The following KCTD18 variants were observed in gnomAD, a reference collection of about 807,000 sequenced individuals.
KCTD18 encodes potassium channel tetramerization domain containing 18, also known as BTB/POZ domain-containing protein KCTD18.
Under a neutral mutation model 30.4 loss-of-function variants are expected in KCTD18, and 22 were observed. That is an observed-to-expected ratio of 0.72 (90% confidence interval 0.52 to 1.03). The LOEUF (loss-of-function observed/expected upper bound fraction) is 1.03, where lower values mean the gene tolerates loss of function less well. Ranked by LOEUF, KCTD18 falls within the 50% of genes least tolerant of loss-of-function variation. The pLI, the probability that KCTD18 is intolerant of heterozygous loss-of-function variation, is 0.00. For synonymous variants in KCTD18, 186 were observed against 209.0 expected, an observed-to-expected ratio of 0.89 and a Z score of 0.95; for missense variants, 529 against 547.6, an observed-to-expected ratio of 0.97 and a Z score of 0.34.
At position 200,497,774 on chromosome 2, in the gene KCTD18, A is replaced by C; in HGVS notation, c.640T>G (p.Phe214Val). The C allele has an allele frequency of 1.2e-6, 2 of 1,610,840 alleles. No individual in the cohort carries two copies. Reference protein sequence around the residue: ...VAELKKMMDAFDAWEGKGVSY... With the variant: ...VAELKKMMDAVDAWEGKGVSY... ...GTACCTTTTCCTTCCCAAGCATCAA[A>C]GGCATCCATCATTTTCTTCAACTCT... Residue 214 changes from phenylalanine (F) to valine (V), a missense_variant, in exon 5 of 7, where the codon TTT (phenylalanine) becomes GTT (valine). Transcript: ENST00000359878.
chr2:200,504,458 C>CAAAAAA (rs761524442), intron 3 of KCTD18, among the ~76,000 whole-genome samples: 3 of 59,254 alleles, frequency 5.1e-5, no homozygotes, highest in African/African-American at 5.3e-5. Flanking sequence ...GACTCTGCCT[C>CAAAAAA]AAAAAAAAAA....
chr2:200,490,558 G>T lies in KCTD18; in HGVS notation c.823C>A (p.Pro275Thr). ...ESVNYKTGPKPVRFLGPSTST... is the reference protein window; with the variant it reads ...ESVNYKTGPKTVRFLGPSTST... Reference sequence around the variant, plus strand: ...GTGGAAGGGCCCAAAAATCTAACTGGCTTAGGACCAGTCTTATAGTTCACA... The same window carrying T: ...GTGGAAGGGCCCAAAAATCTAACTGTCTTAGGACCAGTCTTATAGTTCACA... The change falls in exon 7 of 7, where the codon CCA becomes ACA. Residue 275 changes from proline (P) to threonine (T), a missense_variant. Transcript: ENST00000359878. 4 of 1,601,544 alleles carry T rather than the reference G, an allele frequency of 2.5e-6. No individual in the cohort carries two copies. The highest frequency in any genetic ancestry group is 3.4e-6 in the Non-Finnish European group (4 of 1,179,944).
intron 3 of KCTD18, among the ~76,000 whole-genome samples, chr2:200,503,526 C>T (rs1366186629): frequency 1.3e-5 from 2 of 152,102 alleles, no homozygotes; most frequent in Non-Finnish European, 2.9e-5. Context: ...TGAATAAAAA[C>T]CAGGAATAAA....
intron 6 of KCTD18, among the ~76,000 whole-genome samples, chr2:200,492,742 C>T (rs2087937993): frequency 6.6e-6 from 1 of 152,084 alleles, no homozygotes; most frequent in African/African-American, 2.4e-5. Flanking sequence ...AGGAAAATAC[C>T]ATTTAATAAA....
In KCTD18 at chr2:200,490,366, C is replaced by G. The variant is rs745459410; in HGVS notation, c.1015G>C (p.Ala339Pro). The G allele has an allele frequency of 1.9e-6, 3 of 1,614,228 alleles. No individual in the cohort carries two copies. In the Admixed American group the frequency reaches 5.0e-5, roughly 27 times the overall value. Residue 339 changes from alanine to proline, a missense_variant, in exon 7 of 7, where the codon GCA (alanine) becomes CCA (proline). Ala to Pro is a conservative substitution (Grantham distance 27). Transcript: ENST00000359878. Reference protein sequence around the residue: ...SRATALVGTGAPGHPQASPGA... With the variant: ...SRATALVGTGPPGHPQASPGA... Reference sequence around the variant, plus strand: ...GGGGAAGCCTGAGGATGCCCAGGTGCCCCCGTGCCCACCAGGGCCGTGGCT... The same window carrying G: ...GGGGAAGCCTGAGGATGCCCAGGTGGCCCCGTGCCCACCAGGGCCGTGGCT...
chr2:200,508,350 A>G (rs987984401), intron 1 of KCTD18, among the ~76,000 whole-genome samples: 1 of 152,154 alleles, frequency 6.6e-6, no homozygotes, highest in African/African-American at 2.4e-5. Flanking sequence ...TCGGCCTCCC[A>G]AAGTGCTGAG....
rs188668776 is a variant in KCTD18, at chr2:200,490,541, G to A, written c.840C>T (p.Gly280=). ...KTGPKPVRFL[G]PSTSTQIKVK... is the part of the protein sequence containing the mutation. ...CTTTAATTTGGGTACTTGTGGAAGGGCCCAAAAATCTAACTGGCTTAGGAC... is the reference window on the plus strand; with the variant it reads ...CTTTAATTTGGGTACTTGTGGAAGGACCCAAAAATCTAACTGGCTTAGGAC... The change falls in exon 7 of 7, where the codon GGC becomes GGT. Residue 280 remains glycine (G), a synonymous_variant. Coordinates refer to ENST00000359878, the MANE Select transcript of KCTD18 (RefSeq NM_152387.4). The A allele has an allele frequency of 5.1e-5, 81 of 1,603,082 alleles. No homozygotes were observed. Among genetic ancestry groups the A allele is most frequent in the Middle Eastern group, 4.9e-4 (3 of 6,062 alleles).
chr2:200,498,467 G>A (rs1362300579), intron 4 of KCTD18, among the ~76,000 whole-genome samples: 3 of 152,228 alleles, frequency 2.0e-5, no homozygotes, highest in Admixed American at 6.5e-5. Context: ...ACCAGCAAGT[G>A]CTTCGTCATT....
chr2:200,509,035 A>G (rs1237833042), intron 1 of KCTD18, among the ~76,000 whole-genome samples: 3 of 152,164 alleles, frequency 2.0e-5, no homozygotes, highest in South Asian at 2.1e-4. Flanking sequence ...TTTGGTCTGT[A>G]GGCCAAGGAA....
chr2:200,497,860 C>A lies in KCTD18; in HGVS notation c.567-13G>T. 6.4e-7 allele frequency: 1 copy of A among 1,560,104 alleles called. No individual in the cohort carries two copies. The highest frequency in any genetic ancestry group is 8.8e-7 in the Non-Finnish European group (1 of 1,133,062). ...ATTTCCCGCCTCTCTAGAAATATTG[C>A]AAAGAGTAATGAAAATATACTACCT... On this transcript the variant is annotated splice_polypyrimidine_tract_variant and intron_variant, in intron 4 of 6. Transcript: ENST00000359878.
At chr2:200,492,512 A>G (rs713396) in intron 6 of KCTD18, among the ~76,000 whole-genome samples, 20,762 of 152,228 alleles carry the variant, frequency 0.14, 1,401 homozygotes, top group Middle Eastern at 0.25. Context: ...GCATCTCCGC[A>G]TTTCAGTGAA....
chr2:200,490,167 G>C lies in KCTD18; in HGVS notation c.1214C>G (p.Pro405Arg). The C allele has an allele frequency of 6.2e-7, 1 of 1,610,936 alleles. No individual in the cohort carries two copies. Residue 405 changes from proline (P) to arginine (R), a missense_variant, in exon 7 of 7, where the codon CCG becomes CGG. Pro to Arg is a moderately radical substitution (Grantham distance 103, BLOSUM62 -2). Coordinates refer to ENST00000359878, the MANE Select transcript of KCTD18 (RefSeq NM_152387.4). Reference protein sequence around the residue: ...TATRQANSLKPLPGEAARALG... With the variant: ...TATRQANSLKRLPGEAARALG... The stretch of plus-strand genomic sequence containing the variant: ...GGCACGGGCAGCTTCGCCGGGAAGC[G>C]GCTTGAGGGAGTTGGCCTGCCTCGT...
intron 1 of KCTD18, among the ~76,000 whole-genome samples, chr2:200,507,691 G>A (rs1421925734): frequency 6.6e-6 from 1 of 152,062 alleles, no homozygotes; most frequent in Non-Finnish European, 1.5e-5. Flanking sequence ...TTAACCATAA[G>A]GTGTCTACTG....
Position 200,493,022 on chromosome 2 carries a change from T to C in KCTD18, c.764+150A>G. The C allele has an allele frequency of 3.4e-6, 2 of 587,330 alleles. 1 individual carries two copies. The highest frequency in any genetic ancestry group is 4.3e-5 in the South Asian group (2 of 46,644). The allele number at this position is 587,330 out of a possible 1,614,324, so 36.4% of individuals were successfully genotyped here. On this transcript the variant is annotated intron_variant, in intron 6 of 6. Coordinates refer to ENST00000359878, the MANE Select transcript of KCTD18 (RefSeq NM_152387.4). ...TTTGGTAACTTTATATTTATCAAGA[T>C]CTATATTTTGATGGTAAGACAGAAT...
rs376966621 is a variant in KCTD18 at position 200,504,938 on chromosome 2, T to A, written c.182A>T (p.Asp61Val). The change falls in exon 3 of 7, where the codon GAT becomes GTT. Residue 61 changes from aspartate (D) to valine (V), a missense_variant. By Grantham distance (152) the Asp-to-Val change is radical (BLOSUM62 -3). Transcript: ENST00000359878. Reference sequence around the variant, plus strand: ...CAAAAGGTATTTAAATAGACGTCCATCACGGTCAATAACACAAGCCCCTAG... The same window carrying A: ...CAAAAGGTATTTAAATAGACGTCCAACACGGTCAATAACACAAGCCCCTAG... ...DESGACVIDRDGRLFKYLLDY... is the reference protein window; with the variant it reads ...DESGACVIDRVGRLFKYLLDY... 1 of 1,613,970 alleles carries A rather than the reference T, an allele frequency of 6.2e-7. No individual in the cohort carries two copies. The highest frequency in any genetic ancestry group is 8.5e-7 in the Non-Finnish European group (1 of 1,179,910).
chr2:200,505,313 C>A (rs1470041135), intron 2 of KCTD18, among the ~76,000 whole-genome samples: 1 of 152,142 alleles, frequency 6.6e-6, no homozygotes, highest in South Asian at 2.1e-4. Context: ...ACTATATACA[C>A]CATGCTAGGC....
At position 200,490,196 on chromosome 2, in the gene KCTD18, C is replaced by T. The variant is rs144786360; in HGVS notation, c.1185G>A (p.Thr395=). ...TGAGGGAGTTGGCCTGCCTCGTGGC[C>T]GTGGGGGAGGGCAGGCAAGGCGCGG... ...CATAPCLPSP[T]ATRQANSLKP... The change falls in exon 7 of 7, where the codon ACG becomes ACA. Residue 395 remains threonine, a synonymous_variant. Transcript: ENST00000359878. 67 of 1,614,018 alleles carry T rather than the reference C, an allele frequency of 4.2e-5. No homozygotes were observed. The African/African-American group carries it at 8.1e-4, about 20-fold the overall frequency.
chr2:200,506,992 C>A lies in KCTD18; in HGVS notation c.25G>T (p.Glu9Ter). 6.2e-7 allele frequency: 1 copy of A among 1,611,358 alleles called. No individual in the cohort carries two copies. The highest frequency in any genetic ancestry group is 8.5e-7 in the Non-Finnish European group (1 of 1,178,186). MEGHKAEE[E>*]VLDVLRLNVG... is the part of the protein sequence containing the mutation. ...TTCAGTCGGAGAACATCTAGCACCT[C>A]TTCTTCTGCCTTGTGGCCTTCCATT... Residue 9 changes from glutamate (E) to a stop codon, truncating the protein, a stop_gained, in exon 2 of 7, where the codon GAG (glutamate) becomes TAG (stop). Transcript: ENST00000359878. LOFTEE classifies it high-confidence loss of function.
chr2:200,496,601 T>C (rs2088001522), intron 5 of KCTD18: 1 of 151,734 alleles, frequency 6.6e-6, no homozygotes, highest in South Asian at 2.1e-4. Context: ...TTCAAGCCAT[T>C]TTCCCACCTC....
Sources: allele counts gnomAD v4.1 joint callset (sites outside exome capture counted in the v4.1 genomes callset), GRCh38; gene constraint gnomAD v4.1.1; transcripts MANE v1.5; gene names NCBI Gene and HGNC (gene_info 2026-07-23, HGNC 2026-07-21).